OR6C2: variants seen among roughly 807,000 people sequenced by gnomAD.
OR6C2 encodes olfactory receptor 6C2.
For missense variants in OR6C2, 435 were observed against 365.8 expected, an observed-to-expected ratio of 1.19 and a Z score of -1.54; for synonymous variants, 146 against 134.2, an observed-to-expected ratio of 1.09 and a Z score of -0.61.
rs765232897 is a variant in OR6C2 at position 55,445,225 on chromosome 12, G to A, written c.-888+1066G>A. On this transcript the variant is annotated intron_variant, in intron 1 of 1. Coordinates refer to ENST00000641202, the MANE Select transcript of OR6C2 (RefSeq NM_054105.2). ...TCTTCATTCTCATTATGCCAGATTCGTACCATCTCTCTTAACAGATTTGTA... is the reference window on the plus strand; with the variant it reads ...TCTTCATTCTCATTATGCCAGATTCATACCATCTCTCTTAACAGATTTGTA... Among the ~76,000 whole-genome samples, 72 of 152,092 alleles carry A rather than the reference G, an allele frequency of 4.7e-4. 1 individual carries two copies. Among genetic ancestry groups the A allele is most frequent in the Admixed American group, 3.9e-4 (6 of 15,250 alleles).
chr12:55,447,455 T>C (rs983717043), intron 1 of OR6C2, among the ~76,000 whole-genome samples: 25 of 152,132 alleles, frequency 1.6e-4, no homozygotes, highest in Non-Finnish European at 1.2e-4. Flanking sequence ...CCTGCATAAC[T>C]GAAACTTTAT....
Position 55,453,184 on chromosome 12 carries a change from A to G in OR6C2, c.*32A>G, listed in dbSNP as rs372483681. The stretch of plus-strand genomic sequence containing the variant: ...TGATGAATTGGCATAAAGTGAATGA[A>G]GAAGGCTCCCTAAATGTCATCCTAC... On this transcript the variant is annotated 3_prime_UTR_variant, in exon 2 of 2. Coordinates refer to ENST00000641202, the MANE Select transcript of OR6C2 (RefSeq NM_054105.2). The G allele has an allele frequency of 1.1e-3, 1,702 of 1,497,890 alleles. 3 individuals carry two copies. The highest frequency in any genetic ancestry group is 1.4e-3 in the Non-Finnish European group (1,521 of 1,085,362). The allele number at this position is 1,497,890 out of a possible 1,614,324, so 92.8% of individuals were successfully genotyped here. A position where few individuals can be genotyped will look rare whatever the true frequency, so the allele number is the denominator to read the frequency against.
intron 1 of OR6C2, among the ~76,000 whole-genome samples, chr12:55,448,990 C>G (rs1261359618): frequency 6.6e-6 from 1 of 151,826 alleles, no homozygotes; most frequent in Non-Finnish European, 1.5e-5. Context: ...GAAAATTGGG[C>G]AACTAAATGA....
intron 1 of OR6C2, among the ~76,000 whole-genome samples, chr12:55,446,218 T>C (rs892453231): frequency 9.9e-5 from 15 of 152,048 alleles, no homozygotes; most frequent in Non-Finnish European, 1.6e-4. Context: ...GGCGAGATCT[T>C]GGCTCATCGC....
rs200382811 is a variant in OR6C2 at position 55,453,051 on chromosome 12, G to A, written c.838G>A (p.Ala280Thr). 1.0e-4 allele frequency: 165 copies of A among 1,613,298 alleles called. No individual in the cohort carries two copies. Among genetic ancestry groups the A allele is most frequent in the Admixed American group, 4.2e-4 (25 of 59,868 alleles). The change falls in exon 2 of 2, where the codon GCA (alanine) becomes ACA (threonine). Residue 280 changes from alanine (A) to threonine (T), a missense_variant. Physicochemically the swap from Ala to Thr is moderately conservative, Grantham distance 58 (BLOSUM62 0). Coordinates refer to ENST00000641202, the MANE Select transcript of OR6C2 (RefSeq NM_054105.2). ...AGTTTCAGTTCTTACTACTTCTGTC[G>A]CACCCTTGTTGAACCCCTTCATTTA... is the stretch of plus-strand genomic sequence containing the variant. ...KGVSVLTTSV[A>T]PLLNPFIYTL...
At position 55,451,474 on chromosome 12, in the gene OR6C2, T is replaced by C. The variant is rs1366169951; in HGVS notation, c.-740T>C. 1.3e-5 allele frequency: 2 copies of C among 152,096 alleles called. No homozygotes were observed. Among genetic ancestry groups the C allele is most frequent in the Non-Finnish European group, 2.9e-5 (2 of 67,998 alleles). The allele number at this position is 152,096 out of a possible 1,614,324, so 9.4% of individuals were successfully genotyped here. A position where few individuals can be genotyped will look rare whatever the true frequency, so the allele number is the denominator to read the frequency against. On this transcript the variant is annotated 5_prime_UTR_variant, in exon 2 of 2. Transcript: ENST00000641202. ...ACGCAGCCTAGAAGACTATATTTAG[T>C]GGTGTTAAATGTAGATTTGCTTCTG... is the stretch of plus-strand genomic sequence containing the variant.
intron 1 of OR6C2, among the ~76,000 whole-genome samples, chr12:55,444,448 C>CATATTACATTGCTT (rs1211242420): frequency 2.0e-5 from 3 of 152,216 alleles, no homozygotes; most frequent in South Asian, 2.1e-4. Context: ...TACAAAAAAG[C>CATATTACATTGCTT]ATATTACATT....
intron 1 of OR6C2, among the ~76,000 whole-genome samples, chr12:55,448,665 A>AAAAAAAAAAAAG (rs1340486558): frequency 6.8e-6 from 1 of 147,012 alleles, no homozygotes; most frequent in East Asian, 2.1e-4. Flanking sequence ...AAAAAGAAAG[A>AAAAAAAAAAAAG]AAAGAAAAGA....
chr12:55,447,752 T>C (rs1258184245), intron 1 of OR6C2, among the ~76,000 whole-genome samples: 1 of 152,144 alleles, frequency 6.6e-6, no homozygotes, highest in African/African-American at 2.4e-5. Context: ...GATGGACATT[T>C]GGGTTGTTTC....
intron 1 of OR6C2, among the ~76,000 whole-genome samples, chr12:55,449,413 A>G (rs778895533): frequency 8.6e-5 from 13 of 151,970 alleles, no homozygotes; most frequent in Non-Finnish European, 1.6e-4. Context: ...CAGAGTCTCC[A>G]CAGCAGTAAA....
rs548504920 is a variant in OR6C2 at position 55,453,023 on chromosome 12, A to C, written c.810A>C (p.Lys270Asn). 88 of 1,613,470 alleles carry C rather than the reference A, an allele frequency of 5.5e-5. No individual in the cohort carries two copies. In the South Asian group the frequency reaches 8.8e-4, roughly 16 times the overall value. ...PSAKDEVAIN[K>N]GVSVLTTSVA... ...CAAAAGATGAGGTGGCCATAAATAA[A>C]GGAGTTTCAGTTCTTACTACTTCTG... Residue 270 changes from lysine to asparagine, a missense_variant, in exon 2 of 2, where the codon AAA (lysine) becomes AAC (asparagine). Transcript: ENST00000641202.
chr12:55,450,961 G>C (rs901153375), intron 1 of OR6C2, among the ~76,000 whole-genome samples: 1 of 151,988 alleles, frequency 6.6e-6, no homozygotes, highest in Admixed American at 6.6e-5. Flanking sequence ...TGAAAGTGAG[G>C]ACACAGAGGG....
In OR6C2 at chr12:55,452,271, C is replaced by T; in HGVS notation, c.58C>T (p.His20Tyr). ...CCTGCTGGGACTGACAGGTGACCCA[C>T]ACCTGCAAGTTCTGCTTTTTATCTT... is the stretch of plus-strand genomic sequence containing the variant. ...FILLGLTGDP[H>Y]LQVLLFIFLF... The change falls in exon 2 of 2, where the codon CAC (histidine) becomes TAC (tyrosine). Residue 20 changes from histidine (H) to tyrosine (Y), a missense_variant. Coordinates refer to ENST00000641202, the MANE Select transcript of OR6C2 (RefSeq NM_054105.2). 2 of 1,612,308 alleles carry T rather than the reference C, an allele frequency of 1.2e-6. No individual in the cohort carries two copies. Among genetic ancestry groups the T allele is most frequent in the Non-Finnish European group, 1.7e-6 (2 of 1,179,084 alleles).
At chr12:55,449,417 C>A (rs1352941510) in intron 1 of OR6C2, among the ~76,000 whole-genome samples, 1 of 151,806 alleles carries the variant, frequency 6.6e-6, no homozygotes, top group Non-Finnish European at 1.5e-5. Flanking sequence ...GTCTCCACAG[C>A]AGTAAAAGAT....
intron 1 of OR6C2, among the ~76,000 whole-genome samples, chr12:55,449,235 A>G (rs1194231651): frequency 6.6e-6 from 1 of 152,024 alleles, no homozygotes. Flanking sequence ...ACATTGCAGT[A>G]TAAGCCTTTT....
intron 1 of OR6C2, among the ~76,000 whole-genome samples, 175 bp downstream of exon 1, chr12:55,444,334 G>A (rs1247174218): frequency 6.6e-6 from 1 of 152,064 alleles, no homozygotes; most frequent in African/African-American, 2.4e-5. Flanking sequence ...ATCATAGCTA[G>A]GACATATTTA....
rs1486409931 is a variant in OR6C2, at chr12:55,444,119, C to T, written c.-928C>T. ...GTTCAACCCATTAGGGAGCTGCCAC[C>T]TGAAATCGTGAAAAATTATCAAAAC... On this transcript the variant is annotated 5_prime_UTR_variant, in exon 1 of 2. Transcript: ENST00000641202. 1 of 152,038 alleles carries T rather than the reference C, an allele frequency of 6.6e-6. No individual in the cohort carries two copies. Among genetic ancestry groups the T allele is most frequent in the Non-Finnish European group, 1.5e-5 (1 of 67,974 alleles). The allele number at this position is 152,038 out of a possible 1,614,324, so 9.4% of individuals were successfully genotyped here.
At position 55,452,031 on chromosome 12, in the gene OR6C2, T is replaced by G; in HGVS notation, c.-183T>G. ...TAAGGAGATATCCACTGCTCATATATGTGAAATTTAGAAAGGTTATTGGAA... is the reference window on the plus strand; with the variant it reads ...TAAGGAGATATCCACTGCTCATATAGGTGAAATTTAGAAAGGTTATTGGAA... On this transcript the variant is annotated 5_prime_UTR_variant, in exon 2 of 2. An upstream start codon of the reference 5' UTR is lost. Transcript: ENST00000641202. The G allele has an allele frequency of 2.0e-6, 1 of 488,460 alleles. No homozygotes were observed. Among genetic ancestry groups the G allele is most frequent in the Admixed American group, 3.7e-5 (1 of 27,342 alleles). The allele number at this position is 488,460 out of a possible 1,614,324, so 30.3% of individuals were successfully genotyped here. A position where few individuals can be genotyped will look rare whatever the true frequency, so the allele number is the denominator to read the frequency against.
Position 55,452,138 on chromosome 12 carries a change from C to T in OR6C2, c.-76C>T. The T allele has an allele frequency of 1.1e-6, 1 of 904,958 alleles. No homozygotes were observed. The highest frequency in any genetic ancestry group is 1.7e-5 in the African/African-American group (1 of 60,012). The allele number at this position is 904,958 out of a possible 1,614,324, so 56.1% of individuals were successfully genotyped here. On this transcript the variant is annotated 5_prime_UTR_variant, in exon 2 of 2. Coordinates refer to ENST00000641202, the MANE Select transcript of OR6C2 (RefSeq NM_054105.2). ...TGGCTTCTAGATGCATATCCTTTTG[C>T]TATAGAATTCAAATATCTACCCCCT...
Sources: allele counts gnomAD v4.1 joint callset (sites outside exome capture counted in the v4.1 genomes callset), GRCh38; gene constraint gnomAD v4.1.1; transcripts MANE v1.5; gene names NCBI Gene and HGNC (gene_info 2026-07-23, HGNC 2026-07-21).